The following DRG1 variants were observed in gnomAD, a reference collection of about 807,000 sequenced individuals.
DRG1 encodes developmentally-regulated GTP-binding protein 1.
Under a neutral mutation model 38.8 loss-of-function variants are expected in DRG1, and 19 were observed. The ratio of observed to expected loss-of-function variants is 0.49; its 90% CI spans 0.34 to 0.72. The LOEUF is 0.72. DRG1 is among the 30% of genes least tolerant of loss of function. The pLI, the probability that DRG1 is intolerant of heterozygous loss-of-function variation, is 0.01. For synonymous variants in DRG1, 167 were observed against 157.5 expected (o/e 1.06, Z -0.45); for missense variants, 299 against 444.8 (o/e 0.67, Z 2.95).
intron 6 of DRG1, among the ~76,000 whole-genome samples, chr22:31,423,684 G>A (rs775271866): frequency 4.1e-4 from 62 of 151,488 alleles, no homozygotes; most frequent in South Asian, 8.3e-4. Context: ...GCACCACCAC[G>A]CCCAGCTAAT....
At chr22:31,427,819 T>C (rs997519815) in intron 8 of DRG1, among the ~76,000 whole-genome samples, 4 of 152,220 alleles carry the variant, frequency 2.6e-5, no homozygotes, top group East Asian at 3.9e-4. Flanking sequence ...CTGCAACTTA[T>C]GCTTCCCGGG....
chr22:31,428,614 C>G (rs2050123721), intron 8 of DRG1, among the ~76,000 whole-genome samples: 1 of 152,198 alleles, frequency 6.6e-6, no homozygotes, highest in Admixed American at 6.5e-5. Context: ...ATGTTGTTAA[C>G]TATAGATCTT....
intron 4 of DRG1, among the ~76,000 whole-genome samples, chr22:31,415,545 A>G (rs1268423337): frequency 6.6e-6 from 1 of 152,200 alleles, no homozygotes; most frequent in East Asian, 1.9e-4. Flanking sequence ...TATTTTTAGT[A>G]GAAACGGGGT....
At chr22:31,433,771 AG>A (rs1394065794) in intron 8 of DRG1, 100 bp from the exon 9 acceptor site, 1 of 971,440 alleles carries the variant, frequency 1.0e-6, no homozygotes. Flanking sequence ...ATGGTTCTTA[AG>A]GGTATGATAC....
chr22:31,414,576 C>T (rs1180658001), intron 4 of DRG1, among the ~76,000 whole-genome samples: 3 of 152,034 alleles, frequency 2.0e-5, no homozygotes, highest in Non-Finnish European at 2.9e-5. Flanking sequence ...ATCTTTTTTT[C>T]CCTTTCATCC....
chr22:31,417,809 G>A (rs561394978), intron 4 of DRG1, among the ~76,000 whole-genome samples: 2 of 151,086 alleles, frequency 1.3e-5, no homozygotes, highest in South Asian at 2.1e-4. Flanking sequence ...TGACTAACAT[G>A]GAGAAACCCT....
chr22:31,422,104 C>T (rs77187909), intron 5 of DRG1, among the ~76,000 whole-genome samples: 5,561 of 139,024 alleles, frequency 0.04, 428 homozygotes, highest in East Asian at 0.37. Flanking sequence ...AGCGGGACTC[C>T]GTCTCAAAAA....
intron 1 of DRG1, among the ~76,000 whole-genome samples, chr22:31,400,279 T>C (rs1196331368): frequency 6.6e-6 from 1 of 151,908 alleles, no homozygotes; most frequent in Non-Finnish European, 1.5e-5. Flanking sequence ...GTGATTCCAT[T>C]GCGTGCGGCC....
intron 6 of DRG1, among the ~76,000 whole-genome samples, chr22:31,424,895 C>T (rs1417807117): frequency 2.7e-5 from 4 of 148,268 alleles, no homozygotes; most frequent in East Asian, 2.0e-4. Context: ...CTCTGCCTCC[C>T]GGGTTCAAGC....
At chr22:31,417,376 T>A (rs909367399) in intron 4 of DRG1, among the ~76,000 whole-genome samples, 2 of 138,468 alleles carry the variant, frequency 1.4e-5, no homozygotes, top group Admixed American at 1.5e-4. Context: ...TGTCAAAAAA[T>A]AATAATAATA....
At chr22:31,410,540 G>A (rs9621252) in intron 3 of DRG1, among the ~76,000 whole-genome samples, 5,003 of 152,030 alleles carry the variant, frequency 0.033, 204 homozygotes, top group Admixed American at 0.082. Flanking sequence ...TAGGCTGGGC[G>A]TGGTGGCTCA....
intron 4 of DRG1, among the ~76,000 whole-genome samples, chr22:31,415,386 G>A (rs1313187166): frequency 6.6e-6 from 1 of 152,078 alleles, no homozygotes; most frequent in Non-Finnish European, 1.5e-5. Flanking sequence ...TTAATTCCTT[G>A]TCATCTTTAG....
At chr22:31,424,993 G>T (rs2050101951) in intron 6 of DRG1, among the ~76,000 whole-genome samples, 2 of 150,530 alleles carry the variant, frequency 1.3e-5, no homozygotes, top group Non-Finnish European at 3.0e-5. Flanking sequence ...AGTAGAGACG[G>T]GGTTTCTCCA....
At chr22:31,426,824 C>A in intron 7 of DRG1, 42 bp downstream of exon 7, 1 of 1,594,516 alleles carries the variant, frequency 6.3e-7, no homozygotes, top group Non-Finnish European at 8.5e-7. Context: ...TAGGAATTAA[C>A]CAGACTGTCC....
chr22:31,404,560 A>G (rs2145858472), intron 3 of DRG1, among the ~76,000 whole-genome samples: 1 of 151,548 alleles, frequency 6.6e-6, no homozygotes, highest in South Asian at 2.1e-4. Context: ...TAACTTCTAA[A>G]GGCATTGGAG....
At chr22:31,403,547 A>G (rs2049973981) in intron 3 of DRG1, among the ~76,000 whole-genome samples, 1 of 152,124 alleles carries the variant, frequency 6.6e-6, no homozygotes, top group African/African-American at 2.4e-5. Context: ...CATGCCTGTA[A>G]TCCCAGCAAC....
chr22:31,413,610 T>G (rs1018573639), intron 4 of DRG1, among the ~76,000 whole-genome samples: 1 of 35,376 alleles, frequency 2.8e-5, no homozygotes, highest in Non-Finnish European at 6.6e-5. Context: ...CTATTGTGGG[T>G]TTTTTTTTTT....
chr22:31,407,675 T>A (rs2049995970), intron 3 of DRG1, among the ~76,000 whole-genome samples: 1 of 143,992 alleles, frequency 6.9e-6, no homozygotes, highest in Non-Finnish European at 1.5e-5. Flanking sequence ...TATTTTTTAT[T>A]TTCATTTTTC....
chr22:31,425,003 A>G (rs901924570), intron 6 of DRG1, among the ~76,000 whole-genome samples: 8 of 150,824 alleles, frequency 5.3e-5, no homozygotes, highest in Admixed American at 2.0e-4. Flanking sequence ...GGGTTTCTCC[A>G]TGTTAGCCAG....
Sources: gnomAD v4.1 joint callset for allele counts (sites outside exome capture counted in the v4.1 genomes callset) on GRCh38, gnomAD v4.1.1 for gene constraint, MANE v1.5 for transcripts, NCBI Gene and HGNC (gene_info 2026-07-23, HGNC 2026-07-21) for gene names.